Variants in KCNH8 observed in about 807,000 individuals in gnomAD.
KCNH8 encodes voltage-gated delayed rectifier potassium channel KCNH8.
In KCNH8, 70 loss-of-function variants were observed where a neutral mutation model predicts 103.6. That is an observed-to-expected ratio of 0.68 (90% CI 0.56 to 0.82). The LOEUF (loss-of-function observed/expected upper bound fraction) is 0.82. Among genes scored for constraint, KCNH8 ranks in the 40% least tolerant of loss-of-function variants. The probability of loss-of-function intolerance (pLI) is 0.00; values close to 1 mark genes in which losing one functional copy is unlikely to be tolerated. For missense variants in KCNH8, 1,217 were observed against 1,329.9 expected (o/e 0.92, Z 1.32); for synonymous variants, 498 against 489.4 (o/e 1.02, Z -0.23).
intron 5 of KCNH8, among the ~76,000 whole-genome samples, chr3:19,383,288 T>C (rs770127236): frequency 2.0e-5 from 3 of 152,218 alleles, no homozygotes; most frequent in Non-Finnish European, 2.9e-5. Flanking sequence ...AAATTTATTT[T>C]TGTCTCTATT....
At chr3:19,173,893 T>C (rs899368952) in intron 1 of KCNH8, among the ~76,000 whole-genome samples, 17 of 151,812 alleles carry the variant, frequency 1.1e-4, no homozygotes, top group African/African-American at 4.1e-4. Flanking sequence ...TAACTGTGCT[T>C]ATCAGGTTTG....
At chr3:19,491,720 G>A (rs2068326400) in intron 11 of KCNH8, among the ~76,000 whole-genome samples, 1 of 152,168 alleles carries the variant, frequency 6.6e-6, no homozygotes, top group Non-Finnish European at 1.5e-5. Flanking sequence ...TGGAATTGCT[G>A]GGTCAAATAA....
At chr3:19,307,888 G>A (rs768345921) in intron 3 of KCNH8, among the ~76,000 whole-genome samples, 1 of 151,812 alleles carries the variant, frequency 6.6e-6, no homozygotes, top group Non-Finnish European at 1.5e-5. Flanking sequence ...ACTAGATGTT[G>A]GTAAGGGTAG....
At chr3:19,265,654 T>C (rs548374589) in intron 2 of KCNH8, among the ~76,000 whole-genome samples, 1 of 152,018 alleles carries the variant, frequency 6.6e-6, no homozygotes, top group Non-Finnish European at 1.5e-5. Context: ...CAGAAAGCCA[T>C]GAATATCTAT....
intron 1 of KCNH8, among the ~76,000 whole-genome samples, chr3:19,249,230 G>T (rs1041705601): frequency 2.6e-5 from 4 of 152,138 alleles, no homozygotes; most frequent in African/African-American, 7.2e-5. Context: ...TAAATGTCAT[G>T]TTTCTTCTTT....
At chr3:19,380,333 A>G (rs2066271893) in intron 5 of KCNH8, among the ~76,000 whole-genome samples, 1 of 152,168 alleles carries the variant, frequency 6.6e-6, no homozygotes, top group African/African-American at 2.4e-5. Flanking sequence ...GACTCTTTTG[A>G]TAGTGTATAT....
chr3:19,266,122 C>T (rs767189040), intron 2 of KCNH8, among the ~76,000 whole-genome samples: 3 of 152,034 alleles, frequency 2.0e-5, no homozygotes, highest in African/African-American at 7.2e-5. Flanking sequence ...TATGACAGAG[C>T]CTTCAGGGGT....
chr3:19,491,627 G>A (rs2068323917), intron 11 of KCNH8, among the ~76,000 whole-genome samples: 1 of 152,178 alleles, frequency 6.6e-6, no homozygotes, highest in Non-Finnish European at 1.5e-5. Context: ...CTTTGCTATA[G>A]TGAGTAGTGC....
chr3:19,415,007 C>T (rs2066841080), intron 7 of KCNH8, among the ~76,000 whole-genome samples: 1 of 151,926 alleles, frequency 6.6e-6, no homozygotes. Context: ...TTCTCACTTG[C>T]TCCCTCTTTC....
chr3:19,260,267 G>A (rs1173282393), intron 2 of KCNH8, among the ~76,000 whole-genome samples: 1 of 150,366 alleles, frequency 6.7e-6, no homozygotes, highest in African/African-American at 2.4e-5. Flanking sequence ...CCACTATTTG[G>A]GCAACACGCT....
rs1456272058 is a variant in KCNH8 at position 19,198,601 on chromosome 3, A to C, written c.76+49806A>C. ...TGTGATTCTGTTTTGCCTCATTTTA[A>C]TATTATAGAAGTAAGGATATATTTT... On this transcript the variant is annotated intron_variant, in intron 1 of 15. Transcript: ENST00000328405. Among the ~76,000 whole-genome samples, 14 of 152,178 alleles carry C rather than the reference A, an allele frequency of 9.2e-5. No homozygotes were observed. In the East Asian group the frequency reaches 2.7e-3, roughly 29 times the overall value.
chr3:19,415,381 G>T, intron 7 of KCNH8, among the ~76,000 whole-genome samples: 1 of 147,316 alleles, frequency 6.8e-6, no homozygotes, highest in African/African-American at 2.5e-5. Flanking sequence ...TCTTCCTTTT[G>T]GGATTTTTAC....
chr3:19,337,324 A>T (rs1261096563), intron 3 of KCNH8, among the ~76,000 whole-genome samples: 9 of 152,126 alleles, frequency 5.9e-5, no homozygotes, highest in Non-Finnish European at 1.3e-4. Context: ...AACATGATGG[A>T]GGTTAAGAGA....
chr3:19,196,703 A>AT (rs1339492794), intron 1 of KCNH8, among the ~76,000 whole-genome samples: 1 of 151,980 alleles, frequency 6.6e-6, no homozygotes. Context: ...TTTTTAGTCT[A>AT]TTTGTGTGGT....
intron 1 of KCNH8, among the ~76,000 whole-genome samples, chr3:19,160,187 T>G (rs2063220432): frequency 6.6e-6 from 1 of 152,122 alleles, no homozygotes; most frequent in Admixed American, 6.5e-5. Context: ...CAGCATGTAT[T>G]TTAAAAACCA....
intron 3 of KCNH8, among the ~76,000 whole-genome samples, chr3:19,328,257 C>G (rs2065458626): frequency 6.6e-6 from 1 of 152,136 alleles, no homozygotes; most frequent in Non-Finnish European, 1.5e-5. Context: ...CTCATACTTT[C>G]CTTTTGCCAA....
chr3:19,172,565 T>C (rs1233529270), intron 1 of KCNH8, among the ~76,000 whole-genome samples: 1 of 152,238 alleles, frequency 6.6e-6, no homozygotes, highest in Admixed American at 6.5e-5. Flanking sequence ...TGTCATCATC[T>C]CACCTCCCAT....
intron 5 of KCNH8, among the ~76,000 whole-genome samples, chr3:19,389,841 A>G (rs2066409537): frequency 6.6e-6 from 1 of 151,788 alleles, no homozygotes; most frequent in African/African-American, 2.4e-5. Context: ...TGTTGCCCAG[A>G]CTCATCCTGA....
intron 1 of KCNH8, among the ~76,000 whole-genome samples, chr3:19,164,200 T>C (rs1219802013): frequency 6.6e-6 from 1 of 152,186 alleles, no homozygotes; most frequent in Non-Finnish European, 1.5e-5. Flanking sequence ...ACATGTTTAT[T>C]GTGCTCACTT....
Sources: allele counts gnomAD v4.1 joint callset (sites outside exome capture counted in the v4.1 genomes callset), GRCh38; gene constraint gnomAD v4.1.1; transcripts MANE v1.5; gene names NCBI Gene and HGNC (gene_info 2026-07-23, HGNC 2026-07-21).